GRXCR1: variants seen among roughly 807,000 people sequenced by gnomAD.
The protein encoded by GRXCR1 is glutaredoxin domain-containing cysteine-rich protein 1.
A neutral mutation model predicts 27.3 loss-of-function variants in GRXCR1; 27 were observed. That is an observed-to-expected ratio of 0.99 (90% CI 0.73 to 1.37). The LOEUF is 1.37. Ranked by LOEUF, GRXCR1 falls within the 40% of genes most tolerant of loss-of-function variation. The pLI is 0.00. For synonymous variants in GRXCR1, 122 were observed against 131.1 expected (o/e 0.93, Z 0.47); for missense variants, 379 against 354.4 (o/e 1.07, Z -0.56).
chr4:42,995,828 G>T (rs1294514021), intron 2 of GRXCR1, among the ~76,000 whole-genome samples: 2 of 152,182 alleles, frequency 1.3e-5, no homozygotes, highest in Non-Finnish European at 2.9e-5. Flanking sequence ...CAGGTTTGAA[G>T]AATTGAGGAA....
At chr4:42,919,036 C>G (rs1056433996) in intron 1 of GRXCR1, among the ~76,000 whole-genome samples, 5 of 152,030 alleles carry the variant, frequency 3.3e-5, no homozygotes, top group Admixed American at 3.3e-4. Flanking sequence ...CAATAATAGC[C>G]AGCATAACCA....
At chr4:42,896,449 C>T (rs1577895754) in intron 1 of GRXCR1, among the ~76,000 whole-genome samples, 2 of 151,998 alleles carry the variant, frequency 1.3e-5, no homozygotes, top group African/African-American at 4.8e-5. Flanking sequence ...AGAAGGCCAC[C>T]TGGCTGCTCA....
intron 2 of GRXCR1, among the ~76,000 whole-genome samples, chr4:43,017,001 A>G (rs1033797235): frequency 2.0e-5 from 3 of 152,246 alleles, no homozygotes; most frequent in Non-Finnish European, 4.4e-5. Flanking sequence ...ACTGCTCTGA[A>G]TTTTAAGTTG....
At chr4:43,004,479 T>C (rs985079690) in intron 2 of GRXCR1, among the ~76,000 whole-genome samples, 6 of 152,180 alleles carry the variant, frequency 3.9e-5, no homozygotes, top group African/African-American at 1.2e-4. Context: ...ACTGACAGCA[T>C]GCATCATGCA....
intron 2 of GRXCR1, among the ~76,000 whole-genome samples, chr4:43,012,002 T>C (rs903406438): frequency 3.3e-5 from 5 of 152,220 alleles, no homozygotes; most frequent in African/African-American, 1.2e-4. Context: ...GCGAATGGAA[T>C]TTTAATTGAC....
At position 42,996,239 on chromosome 4, in the gene GRXCR1, T is replaced by G. The variant is rs2109793657; in HGVS notation, c.628-24115T>G. On this transcript the variant is annotated intron_variant, in intron 2 of 3. Transcript: ENST00000399770. ...TGCTTTATATGTAGTGCTACAGAAA[T>G]CTATCTTGAACATAAATAAAGTTAC... Among the ~76,000 whole-genome samples the G allele has an allele frequency of 3.3e-5, 5 of 152,308 alleles. 1 individual carries two copies. The highest frequency in any genetic ancestry group is 3.3e-4 in the Admixed American group (5 of 15,296).
chr4:42,986,114 A>AAT (rs1364071611), intron 2 of GRXCR1, among the ~76,000 whole-genome samples: 2 of 152,128 alleles, frequency 1.3e-5, no homozygotes, highest in African/African-American at 4.8e-5. Context: ...TTTTGTTTTT[A>AAT]ATCACTTCTT....
At chr4:42,981,635 T>C (rs2109785196) in intron 2 of GRXCR1, among the ~76,000 whole-genome samples, 1 of 152,322 alleles carries the variant, frequency 6.6e-6, no homozygotes, top group East Asian at 1.9e-4. Flanking sequence ...TGATGAACTT[T>C]CTCAGCTTTT....
At chr4:42,963,737 T>C (rs991958338) in intron 2 of GRXCR1, among the ~76,000 whole-genome samples, 3 of 151,922 alleles carry the variant, frequency 2.0e-5, no homozygotes, top group Admixed American at 2.0e-4. Flanking sequence ...GTTAGTGTAG[T>C]TAACTCCCAT....
At chr4:42,957,694 T>G (rs1748038121) in intron 1 of GRXCR1, among the ~76,000 whole-genome samples, 1 of 151,708 alleles carries the variant, frequency 6.6e-6, no homozygotes, top group Admixed American at 6.6e-5. Flanking sequence ...TTCTTCTGCT[T>G]GATCAATGAT....
chr4:43,010,914 A>G (rs1434163016), intron 2 of GRXCR1, among the ~76,000 whole-genome samples: 1 of 152,170 alleles, frequency 6.6e-6, no homozygotes, highest in Admixed American at 6.6e-5. Flanking sequence ...ACACTGCTAC[A>G]TGATAGAAAT....
chr4:42,934,300 T>C (rs1747404480), intron 1 of GRXCR1, among the ~76,000 whole-genome samples: 1 of 151,240 alleles, frequency 6.6e-6, no homozygotes, highest in Non-Finnish European at 1.5e-5. Context: ...GAAGTACTGT[T>C]TGAATGATGG....
intron 2 of GRXCR1, among the ~76,000 whole-genome samples, chr4:42,987,448 C>T (rs1398922755): frequency 6.6e-6 from 1 of 151,048 alleles, no homozygotes; most frequent in East Asian, 1.9e-4. Flanking sequence ...CCATGCTCAG[C>T]TAATTTTATT....
At chr4:43,023,768 A>C (rs979969293) in intron 3 of GRXCR1, among the ~76,000 whole-genome samples, 1 of 152,216 alleles carries the variant, frequency 6.6e-6, no homozygotes, top group East Asian at 1.9e-4. Flanking sequence ...TAAATAAATG[A>C]CTTCTCTTTC....
chr4:42,917,066 TC>T (rs1191573203), intron 1 of GRXCR1, among the ~76,000 whole-genome samples: 1 of 152,048 alleles, frequency 6.6e-6, no homozygotes, highest in Non-Finnish European at 1.5e-5. Flanking sequence ...ACCAAGAATT[TC>T]CCCCTTAAAA....
At chr4:42,943,885 A>G (rs1184033259) in intron 1 of GRXCR1, among the ~76,000 whole-genome samples, 1 of 152,014 alleles carries the variant, frequency 6.6e-6, no homozygotes, top group Non-Finnish European at 1.5e-5. Context: ...TATACCTCTA[A>G]ACACTCTACA....
chr4:42,939,594 A>G (rs910805316), intron 1 of GRXCR1, among the ~76,000 whole-genome samples: 2 of 152,076 alleles, frequency 1.3e-5, no homozygotes, highest in African/African-American at 4.8e-5. Context: ...CTTAGAGGAA[A>G]GGTTTCCCTC....
chr4:42,893,607 G>A lies in GRXCR1; in HGVS notation c.341G>A (p.Ser114Asn). Residue 114 changes from serine (S) to asparagine (N), a missense_variant, in exon 1 of 4, where the codon AGT becomes AAT. Ser to Asn is a conservative substitution (Grantham distance 46, BLOSUM62 1). Transcript: ENST00000399770. Reference sequence around the variant, plus strand: ...GTCAGAGGCGTCAAATACAAAGTGAGTGCTGGCCAGGCTCTATTTAACAAT... The same window carrying A: ...GTCAGAGGCGTCAAATACAAAGTGAATGCTGGCCAGGCTCTATTTAACAAT... The part of the protein sequence containing the change: ...GTVRGVKYKV[S>N]AGQALFNNLT... 1 of 1,613,658 alleles carries A rather than the reference G, an allele frequency of 6.2e-7. No individual in the cohort carries two copies. The highest frequency in any genetic ancestry group is 2.2e-5 in the East Asian group (1 of 44,818).
At chr4:43,005,614 A>G (rs544056968) in intron 2 of GRXCR1, among the ~76,000 whole-genome samples, 1 of 152,168 alleles carries the variant, frequency 6.6e-6, no homozygotes, top group African/African-American at 2.4e-5. Context: ...TATAAACACC[A>G]AGGGTTCAAG....
Sources: gnomAD v4.1 joint callset for allele counts (sites outside exome capture counted in the v4.1 genomes callset) on GRCh38, gnomAD v4.1.1 for gene constraint, MANE v1.5 for transcripts, NCBI Gene and HGNC (gene_info 2026-07-23, HGNC 2026-07-21) for gene names.